The following NPR3 variants were observed in gnomAD, a reference collection of about 807,000 sequenced individuals.
NPR3 encodes the protein natriuretic peptide receptor 3, also known as atrial natriuretic peptide receptor 3.
A neutral mutation model predicts 54.5 loss-of-function variants in NPR3; 34 were observed. The observed-to-expected ratio is 0.62, with a 90% CI of 0.47 to 0.83. NPR3 has a LOEUF of 0.83. NPR3 is among the 40% of genes least tolerant of loss of function. NPR3 has a pLI of 0.00. For missense variants in NPR3, 674 were observed against 720.8 expected, an observed-to-expected ratio of 0.94 and a Z score of 0.74; for synonymous variants, 289 against 297.1, an observed-to-expected ratio of 0.97 and a Z score of 0.28.
chr5:32,725,522 C>G (rs1409567431), intron 2 of NPR3, among the ~76,000 whole-genome samples: 1 of 152,184 alleles, frequency 6.6e-6, no homozygotes, highest in Non-Finnish European at 1.5e-5. Context: ...ATCCAGGCCC[C>G]AAAGACCTCT....
intron 1 of NPR3, among the ~76,000 whole-genome samples, chr5:32,692,245 A>G (rs890969082): frequency 1.3e-5 from 2 of 152,224 alleles, no homozygotes; most frequent in African/African-American, 4.8e-5. Flanking sequence ...ACTTATATAT[A>G]CTTAGACATG....
intron 4 of NPR3, among the ~76,000 whole-genome samples, chr5:32,779,528 A>T (rs1464731569): frequency 2.0e-5 from 3 of 152,172 alleles, no homozygotes; most frequent in Non-Finnish European, 2.9e-5. Flanking sequence ...CTTTGTCCAC[A>T]TGGGCCATCT....
upstream of NPR3, among the ~76,000 whole-genome samples, chr5:32,705,174 T>TA (rs34596704): frequency 2.0e-5 from 3 of 152,148 alleles, no homozygotes; most frequent in African/African-American, 4.8e-5. Context: ...ATTGATGCTT[T>TA]AAAAAAAGCT....
chr5:32,731,907 A>T (rs769232425), intron 2 of NPR3, among the ~76,000 whole-genome samples: 1 of 152,086 alleles, frequency 6.6e-6, no homozygotes, highest in Non-Finnish European at 1.5e-5. Context: ...CAGGAGTCCA[A>T]GCTGGTTCTG....
chr5:32,766,622 A>T (rs1040436986), intron 3 of NPR3, among the ~76,000 whole-genome samples: 1 of 152,108 alleles, frequency 6.6e-6, no homozygotes, highest in African/African-American at 2.4e-5. Context: ...GTTTTACTAC[A>T]TTTATTATTA....
upstream of NPR3, chr5:32,709,370 A>G (rs1738093232): frequency 6.6e-6 from 1 of 151,418 alleles, no homozygotes; most frequent in African/African-American, 2.4e-5. Flanking sequence ...AGACCCTTGG[A>G]ATTCATGATT....
chr5:32,703,353 G>C (rs1424411070), intron 1 of NPR3, among the ~76,000 whole-genome samples: 1 of 152,020 alleles, frequency 6.6e-6, no homozygotes, highest in South Asian at 2.1e-4. Flanking sequence ...CACTGTGGCT[G>C]AGCTGGCACT....
rs1450071044 is a variant in NPR3, at chr5:32,789,757, C to T, written c.*3412C>T. On this transcript the variant is annotated 3_prime_UTR_variant, in exon 8 of 8. Coordinates refer to ENST00000265074, the MANE Select transcript of NPR3 (RefSeq NM_001204375.2). ...CATGCAGTCAACAATGAGATGAAGG[C>T]CATTGCATAGATCTCATGCAGATAG... The T allele has an allele frequency of 1.9e-6, 1 of 532,566 alleles. No homozygotes were observed. The highest frequency in any genetic ancestry group is 3.9e-6 in the Non-Finnish European group (1 of 259,138). 33.0% of individuals were successfully genotyped at this position (532,566 alleles called of 1,614,324 possible).
intron 2 of NPR3, among the ~76,000 whole-genome samples, chr5:32,734,876 C>A (rs1032825582): frequency 1.3e-5 from 2 of 152,220 alleles, no homozygotes; most frequent in Non-Finnish European, 2.9e-5. Context: ...ATCTTGTTGC[C>A]ATCCATCCCT....
chr5:32,713,292 C>G (rs1428895096), intron 1 of NPR3: 1 of 985,338 alleles, frequency 1.0e-6, no homozygotes, highest in African/African-American at 1.7e-5. Flanking sequence ...TTCTTTCCAC[C>G]TGTCCCCCAA....
intron 5 of NPR3, among the ~76,000 whole-genome samples, chr5:32,781,244 G>GTGCT (rs1742324151): frequency 6.6e-6 from 1 of 151,932 alleles, no homozygotes; most frequent in South Asian, 2.1e-4. Flanking sequence ...TGAGTCTTCC[G>GTGCT]TGCTTGGGAG....
rs1742860212 is a variant in NPR3, at chr5:32,790,600, A to T, written c.*4255A>T. ...CCTGGCTTTGGTGTTCAGCATGCAC[A>T]TTCCATAAATATCTCTTGCAGGCAT... is the stretch of plus-strand genomic sequence containing the variant. On this transcript the variant is annotated 3_prime_UTR_variant, in exon 8 of 8. Transcript: ENST00000265074. 1 of 166,770 alleles carries T rather than the reference A, an allele frequency of 6.0e-6. No homozygotes were observed. Among genetic ancestry groups the T allele is most frequent in the Non-Finnish European group, 1.5e-5 (1 of 68,124 alleles). The allele number at this position is 166,770 out of a possible 1,614,324, so 10.3% of individuals were successfully genotyped here. A position where few individuals can be genotyped will look rare whatever the true frequency, so the allele number is the denominator to read the frequency against.
intron 1 of NPR3, among the ~76,000 whole-genome samples, chr5:32,715,562 G>A (rs1337500567): frequency 2.0e-5 from 3 of 151,662 alleles, no homozygotes; most frequent in Non-Finnish European, 2.9e-5. Flanking sequence ...CATGTCTTTC[G>A]CTAATGCCAC....
In NPR3 at chr5:32,692,449, A is replaced by C. The variant is rs818127; in HGVS notation, c.100+3263A>C. 1.1e-4 allele frequency among the ~76,000 whole-genome samples: 16 copies of C among 152,366 alleles called. No homozygotes were observed. The East Asian group carries it at 2.9e-3, about 28-fold the overall frequency. ...ATGAGGCACAAAGACGAATATTTAA[A>C]GTGAAAGGAGTTACCAACAACTGAA... On this transcript the variant is annotated intron_variant, in intron 1 of 5. Coordinates refer to the NPR3 transcript ENST00000509104.
chr5:32,712,325 G>A lies in NPR3; in HGVS notation c.549G>A (p.Lys183=). The change falls in exon 1 of 8, where the codon AAG becomes AAA. Residue 183 remains lysine, a synonymous_variant. Coordinates refer to ENST00000265074, the MANE Select transcript of NPR3 (RefSeq NM_001204375.2). The part of the protein sequence containing the change: ...HLTRVAPAYA[K]MGEMMLALFR... Reference sequence around the variant, plus strand: ...CGCGCGTGGCGCCCGCCTACGCCAAGATGGGCGAGATGATGCTCGCCCTGT... The same window carrying A: ...CGCGCGTGGCGCCCGCCTACGCCAAAATGGGCGAGATGATGCTCGCCCTGT... The A allele has an allele frequency of 6.2e-7, 1 of 1,613,446 alleles. No homozygotes were observed. The highest frequency in any genetic ancestry group is 8.5e-7 in the Non-Finnish European group (1 of 1,179,692).
rs1561087712 is a variant in NPR3, at chr5:32,726,182, T to TC, written c.892+1362_892+1363insC. 2.6e-5 allele frequency among the ~76,000 whole-genome samples: 4 copies of TC among 152,298 alleles called. No individual in the cohort carries two copies. In the South Asian group the frequency reaches 8.3e-4, roughly 32 times the overall value. ...ATACTGAGCTTCACTTCCCAGTTCT[T>TC]GCTGATGAGATATAGTTGGACAGGA... On this transcript the variant is annotated intron_variant, in intron 2 of 7. Transcript: ENST00000265074.
chr5:32,772,781 A>ATT (rs111875370), intron 3 of NPR3, among the ~76,000 whole-genome samples: 2 of 152,076 alleles, frequency 1.3e-5, no homozygotes, highest in African/African-American at 4.8e-5. Context: ...ACATTTATTA[A>ATT]TTTTTTAAAC....
chr5:32,738,244 C>T (rs1232445583), intron 2 of NPR3, among the ~76,000 whole-genome samples: 2 of 152,020 alleles, frequency 1.3e-5, no homozygotes, highest in Non-Finnish European at 2.9e-5. Flanking sequence ...CCCATCAACC[C>T]GTCATCTACA....
chr5:32,783,038 G>C lies in NPR3; in HGVS notation c.1426+10G>C, dbSNP rs1302328966. 1.9e-5 allele frequency: 31 copies of C among 1,592,422 alleles called. No individual in the cohort carries two copies. The highest frequency in any genetic ancestry group is 2.7e-5 in the Non-Finnish European group (31 of 1,168,024). ...TCTCCCTGCAAATCATGTAAGTCTG[G>C]AGACTTAATTTGCTATGTATGTCAT... On this transcript the variant is annotated intron_variant, in intron 6 of 7. Coordinates refer to ENST00000265074, the MANE Select transcript of NPR3 (RefSeq NM_001204375.2).
Sources: gnomAD v4.1 joint callset for allele counts (sites outside exome capture counted in the v4.1 genomes callset) on GRCh38, gnomAD v4.1.1 for gene constraint, MANE v1.5 for transcripts, NCBI Gene and HGNC (gene_info 2026-07-23, HGNC 2026-07-21) for gene names.